CLDN2: variants seen among roughly 807,000 people sequenced by gnomAD.
CLDN2 encodes the protein claudin-2.
CLDN2 carries 1 observed loss-of-function variant against 8.2 expected under a neutral mutation model. The ratio of observed to expected loss-of-function variants is 0.12; its 90% confidence interval spans 0.04 to 0.58. The LOEUF (loss-of-function observed/expected upper bound fraction) is 0.58. CLDN2 is among the 20% of genes least tolerant of loss of function. The pLI is 0.90. For missense variants in CLDN2, 108 were observed against 172.9 expected (o/e 0.62, Z 2.11); for synonymous variants, 70 against 70.2 (o/e 1.00, Z 0.01).
At chrX:106,901,566 C>T in intron 1 of CLDN2, 1 of 1,199,442 alleles carries the variant, frequency 8.3e-7, no homozygotes, top group Non-Finnish European at 1.1e-6. Flanking sequence ...TAGCATGTGG[C>T]TCAAAGTACA....
At chrX:106,916,139 C>T (rs1211331921), upstream of CLDN2, among the ~76,000 whole-genome samples, 1 of 109,537 alleles carries the variant, frequency 9.1e-6, no homozygotes, top group African/African-American at 3.3e-5. Context: ...ACAACAAATA[C>T]AACCCAAGAC....
upstream of CLDN2, among the ~76,000 whole-genome samples, chrX:106,918,682 A>C (rs1933347520): frequency 8.9e-6 from 1 of 112,231 alleles, no homozygotes; most frequent in South Asian, 3.7e-4. Context: ...ACACCTCAGC[A>C]CAGTGCCTGG....
chrX:106,918,496 G>T (rs1190858649), upstream of CLDN2: 1 of 112,399 alleles, frequency 8.9e-6, no homozygotes, highest in African/African-American at 3.2e-5. Context: ...TTGGGAAGGA[G>T]GATGATTTCT....
chrX:106,926,231 A>G (rs1428994603), intron 1 of CLDN2, among the ~76,000 whole-genome samples: 4 of 111,591 alleles, frequency 3.6e-5, no homozygotes, highest in African/African-American at 1.3e-4. Context: ...CACAGGGAAG[A>G]ACTGTTTGGG....
chrX:106,928,116 T>C lies in CLDN2; in HGVS notation c.-113T>C. 3.5e-6 allele frequency: 2 copies of C among 566,088 alleles called. No individual in the cohort carries two copies. The highest frequency in any genetic ancestry group is 5.5e-6 in the Non-Finnish European group (2 of 362,217). 46.7% of individuals were successfully genotyped at this position (566,088 alleles called of 1,213,427 possible). ...CAGACACTTGTAAGGAGGAGAGAAG[T>C]CAGCCTGGCAGAGAGACTCTGAAAT... On this transcript the variant is annotated 5_prime_UTR_variant, in exon 2 of 2. Transcript: ENST00000336803.
chrX:106,928,615 C>G lies in CLDN2; in HGVS notation c.387C>G (p.Gly129=). ...GTGGAGTCTTTTTCATCCTTGGAGG[C>G]CTCCTGGGATTCATTCCTGTTGCCT... ...VAGGVFFILG[G]LLGFIPVAWN... Residue 129 remains glycine, a synonymous_variant, in exon 2 of 2, where the codon GGC becomes GGG. Coordinates refer to ENST00000336803, the MANE Select transcript of CLDN2 (RefSeq NM_020384.4). 1 of 1,211,714 alleles carries G rather than the reference C, an allele frequency of 8.3e-7. No individual in the cohort carries two copies. The highest frequency in any genetic ancestry group is 3.0e-5 in the East Asian group (1 of 33,847).
intron 1 of CLDN2, chrX:106,902,265 G>C: frequency 9.6e-7 from 1 of 1,043,205 alleles, no homozygotes. Flanking sequence ...CTGAAAGGTG[G>C]GCTCCCTGAG....
At chrX:106,900,380 C>T (rs890607091) in exon 1 of CLDN2, 3 of 142,812 alleles carry the variant, frequency 2.1e-5, no homozygotes, top group African/African-American at 9.4e-5. Context: ...GCATTCCCTG[C>T]CCTGCTCTGC....
At chrX:106,927,463 T>C (rs1346122867) in intron 1 of CLDN2, among the ~76,000 whole-genome samples, 1 of 111,097 alleles carries the variant, frequency 9.0e-6, no homozygotes, top group Non-Finnish European at 1.9e-5. Flanking sequence ...CAGGAGGCCT[T>C]AGACTAGGCT....
At position 106,902,061 on chromosome X, in the gene CLDN2, G is replaced by A. The variant is rs984540017; in HGVS notation, c.-179+1557G>A. The A allele has an allele frequency of 2.4e-5, 20 of 843,199 alleles. No homozygotes were observed. The African/African-American group carries it at 2.8e-4, about 12-fold the overall frequency. 69.5% of individuals were successfully genotyped at this position (843,199 alleles called of 1,213,427 possible). A position where few individuals can be genotyped will look rare whatever the true frequency, so the allele number is the denominator to read the frequency against. ...ATCTGCACCTTTGGACTGAGGTCAG[G>A]GGCTCTCTGGGAAGTGACCTGGTCA... On this transcript the variant is annotated intron_variant, in intron 1 of 1. Transcript: ENST00000541806.
At chrX:106,908,025 T>A (rs779788158) in intron 1 of CLDN2, among the ~76,000 whole-genome samples, 5 of 111,727 alleles carry the variant, frequency 4.5e-5, no homozygotes, top group African/African-American at 1.6e-4. Flanking sequence ...TGTACCTACC[T>A]TGGAAACCAG....
At chrX:106,907,814 T>G (rs1019453025) in intron 1 of CLDN2, among the ~76,000 whole-genome samples, 4 of 110,992 alleles carry the variant, frequency 3.6e-5, no homozygotes, top group African/African-American at 9.8e-5. Context: ...TTCTTTGAAA[T>G]TATGGCAATG....
chrX:106,910,345 A>G (rs554198349), intron 1 of CLDN2, among the ~76,000 whole-genome samples: 8 of 111,080 alleles, frequency 7.2e-5, no homozygotes, highest in African/African-American at 2.6e-4. Context: ...TAAGTGCTTT[A>G]TTGTTTTATT....
chrX:106,919,245 A>T (rs1452627725), upstream of CLDN2, among the ~76,000 whole-genome samples: 1 of 111,733 alleles, frequency 8.9e-6, no homozygotes. Context: ...AATACATCAA[A>T]ATGTTAGCAA....
At chrX:106,923,016 C>T (rs1485896671) in intron 1 of CLDN2, among the ~76,000 whole-genome samples, 1 of 102,925 alleles carries the variant, frequency 9.7e-6, no homozygotes, top group Non-Finnish European at 2.0e-5. Flanking sequence ...TGCTCTATCG[C>T]TCAGGCTGGA....
chrX:106,910,639 G>A (rs1413330948), intron 1 of CLDN2, among the ~76,000 whole-genome samples: 1 of 109,673 alleles, frequency 9.1e-6, no homozygotes, highest in Admixed American at 9.7e-5. Context: ...TGAACCCCAG[G>A]AGGTAGAGGT....
In CLDN2 at chrX:106,907,702, AAATAATAATAATAATAATAATAAT is replaced by A. The variant is rs200946606; in HGVS notation, c.-179+7222_-179+7245del. The stretch of plus-strand genomic sequence containing the variant: ...GAAAACAGAGCGAGACTCCGTCTCA[AAATAATAATAATAATAATAATAAT>A]AATAATAATAATAATAATAATAAAG... On this transcript the variant is annotated intron_variant, in intron 1 of 1. Transcript: ENST00000541806. 7.2e-4 allele frequency among the ~76,000 whole-genome samples: 69 copies of A among 95,377 alleles called. No homozygotes were observed. The South Asian group carries it at 0.034, about 47-fold the overall frequency. 82.8% of individuals were successfully genotyped at this position (95,377 alleles called of 115,157 possible).
intron 1 of CLDN2, among the ~76,000 whole-genome samples, chrX:106,912,599 A>G (rs1394281953): frequency 9.1e-6 from 1 of 109,385 alleles, no homozygotes; most frequent in Non-Finnish European, 1.9e-5. Flanking sequence ...TTTTTTTAGC[A>G]GAGACACAGT....
At chrX:106,901,425 A>C in intron 1 of CLDN2, 2 of 1,103,120 alleles carry the variant, frequency 1.8e-6, no homozygotes, top group Non-Finnish European at 2.5e-6. Flanking sequence ...GAAGATTCAA[A>C]GAGCTAATGG....
Sources: gnomAD v4.1 joint callset for allele counts (sites outside exome capture counted in the v4.1 genomes callset) on GRCh38, gnomAD v4.1.1 for gene constraint, MANE v1.5 for transcripts, NCBI Gene and HGNC (gene_info 2026-07-23, HGNC 2026-07-21) for gene names.